Variants in WFS1 observed in about 807,000 individuals in gnomAD.
WFS1 encodes wolframin.
In WFS1, 90 loss-of-function variants were observed where a neutral mutation model predicts 68.5. The observed-to-expected ratio is 1.31, with a 90% CI of 1.11 to 1.56. WFS1 has a LOEUF of 1.56. WFS1 is among the 40% of genes most tolerant of loss of function. WFS1 has a pLI of 0.00. For missense variants in WFS1, 1,767 were observed against 1,232.6 expected (o/e 1.43, Z -6.49); for synonymous variants, 860 against 540.7 (o/e 1.59, Z -8.19).
chr4:6,280,309 G>A (rs1560403451), intron 2 of WFS1, among the ~76,000 whole-genome samples: 3 of 152,240 alleles, frequency 2.0e-5, no homozygotes, highest in Admixed American at 1.3e-4. Flanking sequence ...GCTGCCCCAG[G>A]GCTGATGGGC....
rs1423902367 is a variant in WFS1 at position 6,300,973 on chromosome 4, C to G, written c.1178C>G (p.Ala393Gly). The G allele has an allele frequency of 6.2e-7, 1 of 1,613,988 alleles. No homozygotes were observed. The highest frequency in any genetic ancestry group is 8.5e-7 in the Non-Finnish European group (1 of 1,180,012). ...RFEPNLDVEQ[A>G]EVNFGWNHLE... is the part of the protein sequence containing the mutation. ...GAGCCCAACCTGGATGTGGAGCAGG[C>G]CGAGGTCAACTTCGGCTGGAACCAC... The change falls in exon 8 of 8, where the codon GCC (alanine) becomes GGC (glycine). Residue 393 changes from alanine (A) to glycine (G), a missense_variant. Ala to Gly is a moderately conservative substitution (Grantham distance 60, BLOSUM62 0). Coordinates refer to ENST00000226760, the MANE Select transcript of WFS1 (RefSeq NM_006005.3).
At chr4:6,286,801 G>A (rs757691197) in intron 2 of WFS1, among the ~76,000 whole-genome samples, 22 of 152,198 alleles carry the variant, frequency 1.4e-4, no homozygotes, top group Non-Finnish European at 2.5e-4. Context: ...ACTTGGCTCT[G>A]TGCTCGCCTC....
intron 4 of WFS1, 35 bp from the exon 5 acceptor site, chr4:6,291,162 G>A: frequency 6.2e-7 from 1 of 1,608,550 alleles, no homozygotes; most frequent in Non-Finnish European, 8.5e-7. Context: ...CCTAGGCAGG[G>A]CACACAAGGC....
chr4:6,287,137 G>A lies in WFS1; in HGVS notation c.277G>A (p.Glu93Lys). 6.4e-7 allele frequency: 1 copy of A among 1,561,636 alleles called. No individual in the cohort carries two copies. ...GGAAATCCCCTTTGAAGAAGTCCTG[G>A]AGAGGGCCAAGGCCGGGGACCCCAA... ...DMEIPFEEVL[E>K]RAKAGDPKAQ... The change falls in exon 3 of 8, where the codon GAG becomes AAG. Residue 93 changes from glutamate (E) to lysine (K), a missense_variant. Transcript: ENST00000226760. This position sits in a 1 kb window ranked among gnomAD's most constrained non-coding sequence, Gnocchi z 6.4.
rs1307399288 is a variant in WFS1 at position 6,277,596 on chromosome 4, G to C, written c.141G>C (p.Gln47His). The change falls in exon 2 of 8, where the codon CAG (glutamine) becomes CAC (histidine). Residue 47 changes from glutamine (Q) to histidine (H), a missense_variant. Coordinates refer to ENST00000226760, the MANE Select transcript of WFS1 (RefSeq NM_006005.3). The stretch of plus-strand genomic sequence containing the variant: ...AAAGGCCCCGAGCACCCGGACCCCA[G>C]GCTGGCCCTGGCCCTGGTGTTAGAG... ...RSERPRAPGP[Q>H]AGPGPGVRDA... 1 of 1,577,602 alleles carries C rather than the reference G, an allele frequency of 6.3e-7. No homozygotes were observed. Among genetic ancestry groups the C allele is most frequent in the South Asian group, 1.2e-5 (1 of 85,954 alleles).
chr4:6,272,427 T>A lies in WFS1; in HGVS notation c.-6+2413T>A, dbSNP rs77269408. On this transcript the variant is annotated intron_variant, in intron 1 of 7. Coordinates refer to ENST00000226760, the MANE Select transcript of WFS1 (RefSeq NM_006005.3). The stretch of plus-strand genomic sequence containing the variant: ...GCCACATTGGATAGAGCTGGAATGT[T>A]CCTTGGTTTGTCCCTTAATACTCTG... Among the ~76,000 whole-genome samples the A allele has an allele frequency of 8.7e-3, 1,323 of 152,332 alleles. 16 individuals carry two copies. The highest frequency in any genetic ancestry group is 0.03 in the African/African-American group (1,238 of 41,584).
At chr4:6,285,385 C>T (rs1011397009) in intron 2 of WFS1, among the ~76,000 whole-genome samples, 7 of 149,478 alleles carry the variant, frequency 4.7e-5, no homozygotes, top group African/African-American at 1.7e-4. Context: ...GAGGGGTGTC[C>T]AGGGATGGGG....
At chr4:6,297,488 CTT>C (rs1730667819) in intron 7 of WFS1, among the ~76,000 whole-genome samples, 1 of 152,218 alleles carries the variant, frequency 6.6e-6, no homozygotes, top group African/African-American at 2.4e-5. Context: ...TGAAAACAAA[CTT>C]AATATCTTAA....
In WFS1 at chr4:6,295,075, G is replaced by T; in HGVS notation, c.747G>T (p.Glu249Asp). The part of the protein sequence containing the change: ...KNYIALDDFV[E>D]ITKKYAKGVI... The stretch of plus-strand genomic sequence containing the variant: ...ACATCGCGCTGGATGACTTTGTGGA[G>T]ATCACTAAGAAGTACGCCAAGGGCG... The change falls in exon 7 of 8, where the codon GAG (glutamate) becomes GAT (aspartate). Residue 249 changes from glutamate to aspartate, a missense_variant. Transcript: ENST00000226760. 1 of 1,613,600 alleles carries T rather than the reference G, an allele frequency of 6.2e-7. No homozygotes were observed. Among genetic ancestry groups the T allele is most frequent in the Non-Finnish European group, 8.5e-7 (1 of 1,180,034 alleles).
chr4:6,281,942 G>A (rs892153412), intron 2 of WFS1, among the ~76,000 whole-genome samples: 2 of 152,156 alleles, frequency 1.3e-5, no homozygotes, highest in Non-Finnish European at 2.9e-5. Flanking sequence ...TCCAAGCCTC[G>A]GACGTCACCT....
At chr4:6,282,981 G>A (rs772140827) in intron 2 of WFS1, among the ~76,000 whole-genome samples, 15 of 152,342 alleles carry the variant, frequency 9.8e-5, no homozygotes, top group African/African-American at 2.6e-4. Context: ...AGCTGGTGGC[G>A]AGACGGGTGA....
chr4:6,297,154 T>C (rs1730660061), intron 7 of WFS1, among the ~76,000 whole-genome samples: 1 of 152,166 alleles, frequency 6.6e-6, no homozygotes, highest in Non-Finnish European at 1.5e-5. Context: ...AAGGGAGAGA[T>C]TTAAGCTGTT....
intron 3 of WFS1, 135 bp from the exon 4 acceptor site, chr4:6,288,852 G>GT: frequency 7.5e-7 from 1 of 1,328,438 alleles, no homozygotes; most frequent in Non-Finnish European, 1.1e-6. Context: ...GACATGCCTG[G>GT]TGTGACCCCA....
rs863224261 is a variant in WFS1, at chr4:6,291,372, G to A, written c.631+5G>A. The A allele has an allele frequency of 2.2e-5, 36 of 1,611,788 alleles. No individual in the cohort carries two copies. Among genetic ancestry groups the A allele is most frequent in the East Asian group, 1.6e-4 (7 of 44,862 alleles). On this transcript the variant is annotated splice_donor_5th_base_variant and intron_variant, in intron 5 of 7. Coordinates refer to ENST00000226760, the MANE Select transcript of WFS1 (RefSeq NM_006005.3). ...TCGGCCAGGTCAACGAGCACGGTGC[G>A]AGGATTCACCCTGGGCACCAGCCTT...
At position 6,299,996 on chromosome 4, in the gene WFS1, G is replaced by A. The variant is rs192618368; in HGVS notation, c.862-661G>A. On this transcript the variant is annotated intron_variant, in intron 7 of 7. Coordinates refer to ENST00000226760, the MANE Select transcript of WFS1 (RefSeq NM_006005.3). ...GCACGTGTGTGTACGGGCAGAAGGTGGCCTGGCAGCTGCTTCTCAGGGTCT... is the reference window on the plus strand; with the variant it reads ...GCACGTGTGTGTACGGGCAGAAGGTAGCCTGGCAGCTGCTTCTCAGGGTCT... Among the ~76,000 whole-genome samples, 839 of 152,058 alleles carry A rather than the reference G, an allele frequency of 5.5e-3. 10 individuals are homozygous for A. The highest frequency in any genetic ancestry group is 0.02 in the African/African-American group (814 of 41,426).
intron 2 of WFS1, 109 bp from the exon 3 acceptor site, chr4:6,286,984 A>C: frequency 2.0e-6 from 2 of 988,864 alleles, no homozygotes; most frequent in Non-Finnish European, 3.1e-6. Context: ...TGGATTTGAA[A>C]GTGACAAGCA....
At chr4:6,282,895 C>A (rs1730206646) in intron 2 of WFS1, among the ~76,000 whole-genome samples, 1 of 152,230 alleles carries the variant, frequency 6.6e-6, no homozygotes. Flanking sequence ...GAGAGGGCAG[C>A]TGCAGGCCCT....
At chr4:6,278,613 G>A (rs1042527200) in intron 2 of WFS1, among the ~76,000 whole-genome samples, 3 of 152,190 alleles carry the variant, frequency 2.0e-5, no homozygotes, top group East Asian at 1.9e-4. Flanking sequence ...CGAGGTGCTC[G>A]AGTGGTCCAG....
rs1730458577 is a variant in WFS1 at position 6,291,350 on chromosome 4, G to A, written c.614G>A (p.Gly205Asp). Residue 205 changes from glycine to aspartate, a missense_variant, in exon 5 of 8, where the codon GGC becomes GAC. Coordinates refer to ENST00000226760, the MANE Select transcript of WFS1 (RefSeq NM_006005.3). ...VAVAELLENVGQVNEHDGGAQ... is the reference protein window; with the variant it reads ...VAVAELLENVDQVNEHDGGAQ... ...GTGGCGGAGCTGCTGGAGAATGTCG[G>A]CCAGGTCAACGAGCACGGTGCGAGG... 6.2e-7 allele frequency: 1 copy of A among 1,612,948 alleles called. No homozygotes were observed. The highest frequency in any genetic ancestry group is 8.5e-7 in the Non-Finnish European group (1 of 1,180,022).
Sources: gnomAD v4.1 joint callset for allele counts (sites outside exome capture counted in the v4.1 genomes callset) on GRCh38, gnomAD v4.1.1 for gene constraint, Gnocchi (gnomAD v3.1) non-coding constraint, MANE v1.5 for transcripts, NCBI Gene and HGNC (gene_info 2026-07-23, HGNC 2026-07-21) for gene names.